CHP1: variants seen among roughly 807,000 people sequenced by gnomAD.
CHP1 encodes the protein calcineurin like EF-hand protein 1, also known as calcineurin B homologous protein 1.
In CHP1, 11 loss-of-function variants were observed where a neutral mutation model predicts 27.4. The observed-to-expected ratio is 0.40, with a 90% confidence interval of 0.25 to 0.67. The LOEUF (loss-of-function observed/expected upper bound fraction) is 0.67, where lower values mean the gene tolerates loss of function less well. Ranked by LOEUF, CHP1 falls within the 30% of genes least tolerant of loss-of-function variation. The pLI, the probability that CHP1 is intolerant of heterozygous loss-of-function variation, is 0.38. For synonymous variants in CHP1, 89 were observed against 87.4 expected (o/e 1.02, Z -0.10); for missense variants, 169 against 251.3 (o/e 0.67, Z 2.22).
intron 3 of CHP1, among the ~76,000 whole-genome samples, chr15:41,258,510 T>C (rs1316502452): frequency 6.6e-6 from 1 of 152,184 alleles, no homozygotes; most frequent in Non-Finnish European, 1.5e-5. Flanking sequence ...CCTCCTTTAA[T>C]CTGGAACATT....
intron 2 of CHP1, among the ~76,000 whole-genome samples, chr15:41,249,824 TC>T (rs2047356032): frequency 6.6e-6 from 1 of 150,952 alleles, no homozygotes; most frequent in African/African-American, 2.5e-5. Flanking sequence ...GATTTTCACT[TC>T]AACAATTTTT....
At chr15:41,278,264 C>T (rs2047529209) in intron 5 of CHP1, among the ~76,000 whole-genome samples, 1 of 141,488 alleles carries the variant, frequency 7.1e-6, no homozygotes. Flanking sequence ...ACCCGGGAGG[C>T]AGAGCTTGCA....
At chr15:41,276,563 C>T (rs1342133800) in intron 5 of CHP1, among the ~76,000 whole-genome samples, 1 of 152,086 alleles carries the variant, frequency 6.6e-6, no homozygotes, top group African/African-American at 2.4e-5. Context: ...TCCCAGGGGC[C>T]CAAGGATTGG....
rs574360902 is a variant in CHP1, at chr15:41,243,974, C to A, written c.140+235C>A. Among the ~76,000 whole-genome samples the A allele has an allele frequency of 5.9e-5, 9 of 152,148 alleles. No homozygotes were observed. The East Asian group carries it at 1.7e-3, about 29-fold the overall frequency. On this transcript the variant is annotated intron_variant, in intron 2 of 6. Transcript: ENST00000334660. ...CAGCACTTTGGGAGGTCAAGGCGGG[C>A]GGATCATGAGGCCAGGAGGTCCAGA... is the stretch of plus-strand genomic sequence containing the variant.
In CHP1 at chr15:41,259,443, CGACTCTGCT is replaced by C. The variant is rs200059893; in HGVS notation, c.221+2454_221+2462del. On this transcript the variant is annotated intron_variant, in intron 3 of 6. Transcript: ENST00000334660. ...GCACTGCTTAGCTCTTAGCAAGCTGCGACTCTGCTTCTTGCTCTAATCAGATAGATATAT... is the reference window on the plus strand; with the variant it reads ...GCACTGCTTAGCTCTTAGCAAGCTGCTCTTGCTCTAATCAGATAGATATAT... 7.0e-3 allele frequency among the ~76,000 whole-genome samples: 1,066 copies of C among 151,780 alleles called. 7 individuals carry two copies. The highest frequency in any genetic ancestry group is 0.022 in the South Asian group (108 of 4,808).
rs1238756177 is a variant in CHP1 at position 41,256,983 on chromosome 15, C to G, written c.214C>G (p.Pro72Ala). The G allele has an allele frequency of 2.5e-6, 4 of 1,613,306 alleles. No homozygotes were observed. In the African/African-American group the frequency reaches 5.3e-5, roughly 22 times the overall value. Reference protein sequence around the residue: ...LGDRIINAFFPEGEDQVNFRG... With the variant: ...LGDRIINAFFAEGEDQVNFRG... ...GGACCGGATCATCAATGCCTTCTTT[C>G]CAGAGGGGTGAGTCAGTACAGTTGT... Residue 72 changes from proline to alanine, a missense_variant, in exon 3 of 7, where the codon CCA (proline) becomes GCA (alanine). By Grantham distance (27) the Pro-to-Ala change is conservative. Coordinates refer to ENST00000334660, the MANE Select transcript of CHP1 (RefSeq NM_007236.5).
intron 4 of CHP1, among the ~76,000 whole-genome samples, chr15:41,268,299 A>C (rs546951165): frequency 9.2e-5 from 14 of 151,966 alleles, no homozygotes; most frequent in Middle Eastern, 3.4e-3. Flanking sequence ...GCTTACACCT[A>C]TAATCCCAGC....
At chr15:41,248,839 T>C (rs2047349384) in intron 2 of CHP1, among the ~76,000 whole-genome samples, 1 of 152,206 alleles carries the variant, frequency 6.6e-6, no homozygotes, top group East Asian at 1.9e-4. Context: ...TGCCACATAG[T>C]AAACGAGTAA....
chr15:41,262,699 A>G, intron 3 of CHP1, 57 bp from the exon 4 acceptor site: 1 of 1,600,192 alleles, frequency 6.2e-7, no homozygotes, highest in Non-Finnish European at 8.5e-7. Context: ...TATTTAATTC[A>G]TAAGAAATAA....
intron 1 of CHP1, among the ~76,000 whole-genome samples, chr15:41,242,217 G>T (rs2047310129): frequency 6.6e-6 from 1 of 152,144 alleles, no homozygotes; most frequent in African/African-American, 2.4e-5. Context: ...TGGGAACTCA[G>T]TGAAGCTCAT....
chr15:41,253,642 G>C (rs1454045317), intron 2 of CHP1, among the ~76,000 whole-genome samples: 1 of 151,360 alleles, frequency 6.6e-6, no homozygotes, highest in Admixed American at 6.6e-5. Context: ...TTTTAGTAGA[G>C]ACGGGGTTTC....
At chr15:41,243,547 A>G (rs775717302) in intron 1 of CHP1, 120 bp from the exon 2 acceptor site, 29 of 661,126 alleles carry the variant, frequency 4.4e-5, no homozygotes, top group Non-Finnish European at 4.8e-5. Context: ...TTAACATTCT[A>G]GAGATAAGAG....
chr15:41,247,623 G>A (rs990970731), intron 2 of CHP1, among the ~76,000 whole-genome samples: 3 of 152,076 alleles, frequency 2.0e-5, no homozygotes, highest in East Asian at 1.9e-4. Context: ...AGTGAGCCGA[G>A]ATCGTGCCAC....
chr15:41,253,866 C>T (rs776878122), intron 2 of CHP1, among the ~76,000 whole-genome samples: 2 of 152,020 alleles, frequency 1.3e-5, no homozygotes, highest in Non-Finnish European at 2.9e-5. Flanking sequence ...CTCCTTGCAG[C>T]CTTGACCTTC....
intron 4 of CHP1, among the ~76,000 whole-genome samples, chr15:41,266,845 C>T (rs1225328147): frequency 2.6e-5 from 4 of 151,838 alleles, no homozygotes; most frequent in Admixed American, 2.0e-4. Flanking sequence ...ACTAAAAATA[C>T]AAAAATTAGC....
At chr15:41,270,094 A>G (rs1460703018) in intron 4 of CHP1, among the ~76,000 whole-genome samples, 1 of 152,154 alleles carries the variant, frequency 6.6e-6, no homozygotes, top group Non-Finnish European at 1.5e-5. Flanking sequence ...CAAGTGGTAG[A>G]GAATTACTTG....
chr15:41,249,731 C>G (rs976160441), intron 2 of CHP1, among the ~76,000 whole-genome samples: 1 of 152,044 alleles, frequency 6.6e-6, no homozygotes, highest in African/African-American at 2.4e-5. Flanking sequence ...CTTGGCCTCC[C>G]AAAGTGCTAA....
At chr15:41,269,001 G>A (rs59659337) in intron 4 of CHP1, among the ~76,000 whole-genome samples, 2,713 of 151,714 alleles carry the variant, frequency 0.018, 86 homozygotes, top group African/African-American at 0.061. Context: ...CAAAGACCTT[G>A]CACCTTTCAC....
At chr15:41,276,240 C>CAAAAAAAAAAA (rs11451377) in intron 5 of CHP1, among the ~76,000 whole-genome samples, 2 of 126,046 alleles carry the variant, frequency 1.6e-5, no homozygotes. Context: ...GACTCCATCT[C>CAAAAAAAAAAA]AAAAAAAAAA....
Sources: gnomAD v4.1 joint callset for allele counts (sites outside exome capture counted in the v4.1 genomes callset) on GRCh38, gnomAD v4.1.1 for gene constraint, MANE v1.5 for transcripts, NCBI Gene and HGNC (gene_info 2026-07-23, HGNC 2026-07-21) for gene names.